ZRANB1: variants seen among roughly 807,000 people sequenced by gnomAD.
ZRANB1 encodes the protein ubiquitin thioesterase ZRANB1.
Under a neutral mutation model 80.5 loss-of-function variants are expected in ZRANB1, and 16 were observed. That is an observed-to-expected ratio of 0.20 (90% confidence interval 0.13 to 0.30). ZRANB1 has a LOEUF of 0.30. Ranked by LOEUF, ZRANB1 falls within the 10% of genes least tolerant of loss-of-function variation. The pLI is 1.00. For synonymous variants in ZRANB1, 291 were observed against 293.1 expected (o/e 0.99, Z 0.07); for missense variants, 576 against 862.6 (o/e 0.67, Z 4.16).
intron 1 of ZRANB1, among the ~76,000 whole-genome samples, chr10:124,948,770 C>T (rs897080670): frequency 2.0e-5 from 3 of 152,110 alleles, no homozygotes; most frequent in African/African-American, 7.2e-5. Context: ...TTCCTGAGGG[C>T]CAGTAATTTT....
chr10:124,968,206 T>C (rs1446956821), intron 2 of ZRANB1, among the ~76,000 whole-genome samples: 1 of 152,224 alleles, frequency 6.6e-6, no homozygotes, highest in Non-Finnish European at 1.5e-5. Context: ...CAAGGTAACA[T>C]TTTTTAATGG....
upstream of ZRANB1, among the ~76,000 whole-genome samples, chr10:124,940,209 T>G (rs960937420): frequency 6.6e-6 from 1 of 152,254 alleles, no homozygotes; most frequent in East Asian, 1.9e-4. Context: ...CCCAGTTGAT[T>G]AGCCAATTTT....
chr10:124,919,687 C>G, the ZRANB1 span, among the ~76,000 whole-genome samples: 1 of 148,210 alleles, frequency 6.7e-6, no homozygotes, highest in Non-Finnish European at 1.5e-5. Context: ...TTTCCGCTCA[C>G]TGCAACCTCC....
the ZRANB1 span, among the ~76,000 whole-genome samples, chr10:124,934,260 TTCCTGGGAAGAGTACAGTGTG>T: frequency 7.1e-3 from 1,078 of 152,304 alleles, 15 homozygotes; most frequent in African/African-American, 0.025. Context: ...TATCCACAAA[TTCCTGGGAAGAGTACAGTGTG>T]TTTAGTTCAG....
In ZRANB1 at chr10:124,983,063, TCTTA is replaced by T; in HGVS notation, c.1549-111_1549-108del. ...AATGCTGCTTTGACAATCTTTTCTTTCTTAAAAACCAACTGCGATAGTATACTGA... is the reference window on the plus strand; with the variant it reads ...AATGCTGCTTTGACAATCTTTTCTTTAAAACCAACTGCGATAGTATACTGA... On this transcript the variant is annotated intron_variant, in intron 6 of 8. Coordinates refer to ENST00000359653, the MANE Select transcript of ZRANB1 (RefSeq NM_017580.3). This position sits in a 1 kb window ranked among gnomAD's most constrained non-coding sequence, Gnocchi z 6.2. 8.8e-7 allele frequency: 1 copy of T among 1,131,964 alleles called. No individual in the cohort carries two copies. The allele number at this position is 1,131,964 out of a possible 1,614,324, so 70.1% of individuals were successfully genotyped here.
At chr10:124,950,051 G>A (rs1478207076) in intron 1 of ZRANB1, among the ~76,000 whole-genome samples, 1 of 152,126 alleles carries the variant, frequency 6.6e-6, no homozygotes. Flanking sequence ...AGCAAAATTT[G>A]TCCCACTTTC....
At chr10:124,936,736 A>G in the ZRANB1 span, among the ~76,000 whole-genome samples, 2 of 152,196 alleles carry the variant, frequency 1.3e-5, no homozygotes, top group Non-Finnish European at 2.9e-5. Flanking sequence ...ATTTACAGAA[A>G]TTTTATAGTT....
At chr10:124,953,928 C>T (rs530053106) in intron 1 of ZRANB1, among the ~76,000 whole-genome samples, 30 of 151,658 alleles carry the variant, frequency 2.0e-4, no homozygotes, top group African/African-American at 7.0e-4. Flanking sequence ...GAAAGATACT[C>T]TTCTGATTTA....
At chr10:124,925,911 A>G in the ZRANB1 span, among the ~76,000 whole-genome samples, 1 of 152,190 alleles carries the variant, frequency 6.6e-6, no homozygotes, top group Non-Finnish European at 1.5e-5. Context: ...GTCTACTTAG[A>G]CAAAACCTAG....
intron 2 of ZRANB1, among the ~76,000 whole-genome samples, chr10:124,969,327 A>G (rs1483559208): frequency 1.3e-5 from 2 of 152,224 alleles, no homozygotes; most frequent in Admixed American, 6.5e-5. Context: ...CCAGGCAAAG[A>G]GCAAAATTGG....
chr10:124,974,759 G>A (rs1165882937), intron 5 of ZRANB1, among the ~76,000 whole-genome samples: 1 of 152,148 alleles, frequency 6.6e-6, no homozygotes, highest in East Asian at 1.9e-4. Context: ...ATATTGATAA[G>A]GCCGTTGCTC....
chr10:124,919,413 G>A, the ZRANB1 span, among the ~76,000 whole-genome samples: 5 of 151,972 alleles, frequency 3.3e-5, no homozygotes, highest in African/African-American at 1.2e-4. Flanking sequence ...CGGGTATGGT[G>A]GCGTGTGCCT....
chr10:124,972,006 T>C lies in ZRANB1; in HGVS notation c.1044T>C (p.Cys348=), dbSNP rs767088755. The C allele has an allele frequency of 5.0e-6, 8 of 1,613,550 alleles. No homozygotes were observed. In the South Asian group the frequency reaches 7.7e-5, roughly 16 times the overall value. The change falls in exon 3 of 9, where the codon TGT becomes TGC. Residue 348 remains cysteine, a synonymous_variant. Transcript: ENST00000359653. ...QAAKCIPAMV[C]PELTEQIRRE... ...CAAAGTGTATTCCAGCAATGGTGTGTCCTGAACTGACAGAACAAATCCGGA... is the reference window on the plus strand; with the variant it reads ...CAAAGTGTATTCCAGCAATGGTGTGCCCTGAACTGACAGAACAAATCCGGA...
chr10:124,933,699 T>C, the ZRANB1 span, among the ~76,000 whole-genome samples: 41 of 152,292 alleles, frequency 2.7e-4, no homozygotes, highest in Admixed American at 1.8e-3. Context: ...GTTACATTAG[T>C]TTTGTTTGGG....
At position 124,958,430 on chromosome 10, in the gene ZRANB1, A is replaced by G. The variant is rs74592524; in HGVS notation, c.815-8164A>G. Among the ~76,000 whole-genome samples, 1,162 of 152,344 alleles carry G rather than the reference A, an allele frequency of 7.6e-3. 79 individuals are homozygous for G. In the East Asian group the frequency reaches 0.17, roughly 23 times the overall value. ...GCTCCATCTCAAAGAAAAGCAGACT[A>G]TATGCATTGTAGACTATTTCAGAGA... On this transcript the variant is annotated intron_variant, in intron 1 of 8. Transcript: ENST00000359653.
At chr10:124,974,158 C>T (rs746696858) in intron 4 of ZRANB1, 42 bp from the exon 5 acceptor site, 2 of 1,595,014 alleles carry the variant, frequency 1.3e-6, no homozygotes, top group Non-Finnish European at 1.7e-6. Flanking sequence ...TCTCTAATGA[C>T]ATAGGTATGG....
intron 5 of ZRANB1, among the ~76,000 whole-genome samples, chr10:124,976,524 C>G (rs1951877034): frequency 6.7e-6 from 1 of 149,716 alleles, no homozygotes; most frequent in South Asian, 2.1e-4. Context: ...CAGGTTCTCT[C>G]TAAAAAGGCA....
chr10:124,969,451 C>A (rs1168829335), intron 2 of ZRANB1, among the ~76,000 whole-genome samples: 2 of 152,038 alleles, frequency 1.3e-5, no homozygotes, highest in Non-Finnish European at 2.9e-5. Flanking sequence ...GGGTGTGTTG[C>A]AGAGAATGCT....
Position 124,983,401 on chromosome 10 carries a change from G to C in ZRANB1, c.1679-58G>C. 1.3e-6 allele frequency: 2 copies of C among 1,591,162 alleles called. No individual in the cohort carries two copies. The highest frequency in any genetic ancestry group is 1.7e-6 in the Non-Finnish European group (2 of 1,165,478). ...GGACAGGGGAATGTGAACAAGGGCA[G>C]TGAGGGAGTGGCTCTTTCTTCCTGT... On this transcript the variant is annotated intron_variant, in intron 7 of 8. Coordinates refer to ENST00000359653, the MANE Select transcript of ZRANB1 (RefSeq NM_017580.3). This position sits in a 1 kb window ranked among gnomAD's most constrained non-coding sequence, Gnocchi z 6.2.
Sources: allele counts gnomAD v4.1 joint callset (sites outside exome capture counted in the v4.1 genomes callset), GRCh38; gene constraint gnomAD v4.1.1; non-coding constraint Gnocchi (gnomAD v3.1); transcripts MANE v1.5; gene names NCBI Gene and HGNC (gene_info 2026-07-23, HGNC 2026-07-21).